Variants in KCNH5 observed in about 807,000 individuals in gnomAD.
The protein encoded by KCNH5 is potassium voltage-gated channel subfamily H member 5, also known as voltage-gated delayed rectifier potassium channel KCNH5.
Under a neutral mutation model 96.1 loss-of-function variants are expected in KCNH5, and 46 were observed. That is an observed-to-expected ratio of 0.48 (90% CI 0.38 to 0.61). The LOEUF (loss-of-function observed/expected upper bound fraction) is 0.61, where lower values mean the gene tolerates loss of function less well. Among genes scored for constraint, KCNH5 ranks in the 20% least tolerant of loss-of-function variants. The probability of loss-of-function intolerance (pLI) is 0.00; values close to 1 mark genes in which losing one functional copy is unlikely to be tolerated. For missense variants in KCNH5, 907 were observed against 1,225.8 expected (o/e 0.74, Z 3.88); for synonymous variants, 439 against 449.8 (o/e 0.98, Z 0.30).
intron 1 of KCNH5, among the ~76,000 whole-genome samples, chr14:63,022,993 C>T (rs1026168447): frequency 1.3e-5 from 2 of 152,000 alleles, no homozygotes; most frequent in Non-Finnish European, 2.9e-5. Context: ...ATCATGAGGT[C>T]AGGAGATCGA....
At chr14:62,956,878 T>C (rs1890114528) in intron 6 of KCNH5, among the ~76,000 whole-genome samples, 1 of 152,194 alleles carries the variant, frequency 6.6e-6, no homozygotes, top group South Asian at 2.1e-4. Context: ...CAGTCTTAGA[T>C]ATTCATTGAT....
chr14:63,025,453 T>C (rs144901147), intron 1 of KCNH5, among the ~76,000 whole-genome samples: 87 of 152,154 alleles, frequency 5.7e-4, no homozygotes, highest in African/African-American at 2.1e-3. Context: ...GCAGACAATA[T>C]GATCTTATAT....
intron 8 of KCNH5, among the ~76,000 whole-genome samples, chr14:62,834,441 C>T (rs1362599513): frequency 9.9e-5 from 15 of 151,866 alleles, no homozygotes; most frequent in African/African-American, 3.6e-4. Context: ...AACTCCCTGC[C>T]CCCATGGACT....
At chr14:62,983,365 G>A (rs1046207153) in intron 5 of KCNH5, among the ~76,000 whole-genome samples, 4 of 148,704 alleles carry the variant, frequency 2.7e-5, no homozygotes, top group Admixed American at 6.7e-5. Flanking sequence ...GTGACAGAGC[G>A]AGACTCAGTC....
intron 6 of KCNH5, among the ~76,000 whole-genome samples, chr14:62,966,129 G>T (rs1258786086): frequency 6.6e-6 from 1 of 152,104 alleles, no homozygotes; most frequent in Non-Finnish European, 1.5e-5. Context: ...GATTTTTCCT[G>T]ACACAATTAC....
Position 62,703,412 on chromosome 14 carries a change from A to C in KCNH5, c.*4096T>G, listed in dbSNP as rs1344055016. 6.6e-6 allele frequency: 1 copy of C among 151,918 alleles called. No homozygotes were observed. Among genetic ancestry groups the C allele is most frequent in the African/African-American group, 2.4e-5 (1 of 41,448 alleles). The allele number at this position is 151,918 out of a possible 1,614,324, so 9.4% of individuals were successfully genotyped here. A position where few individuals can be genotyped will look rare whatever the true frequency, so the allele number is the denominator to read the frequency against. On this transcript the variant is annotated 3_prime_UTR_variant, in exon 11 of 11. Transcript: ENST00000322893. Reference sequence around the variant, plus strand: ...AATGAAAAAGTGATCACTTGTCATAATGTGATTTTCACCTGCAAGAAAGAT... The same window carrying C: ...AATGAAAAAGTGATCACTTGTCATACTGTGATTTTCACCTGCAAGAAAGAT...
intron 8 of KCNH5, among the ~76,000 whole-genome samples, chr14:62,825,015 C>G (rs1887193072): frequency 6.6e-6 from 1 of 152,010 alleles, no homozygotes; most frequent in African/African-American, 2.4e-5. Flanking sequence ...CATTGATGGG[C>G]ACTTAGGTTG....
At chr14:62,904,766 TG>T (rs1371460041) in intron 7 of KCNH5, among the ~76,000 whole-genome samples, 2 of 152,226 alleles carry the variant, frequency 1.3e-5, no homozygotes, top group Non-Finnish European at 2.9e-5. Context: ...AATTGTGACT[TG>T]GGGTGTACTT....
chr14:62,907,882 C>T (rs183307017), intron 7 of KCNH5, among the ~76,000 whole-genome samples: 2 of 152,210 alleles, frequency 1.3e-5, no homozygotes, highest in Non-Finnish European at 1.5e-5. Context: ...AACCAATAGT[C>T]GATGTTCTCC....
At position 62,849,929 on chromosome 14, in the gene KCNH5, T is replaced by C. The variant is rs1595654245; in HGVS notation, c.1370-77A>G. The C allele has an allele frequency of 1.2e-5, 14 of 1,162,024 alleles. No individual in the cohort carries two copies. The East Asian group carries it at 3.5e-4, about 29-fold the overall frequency. 72.0% of individuals were successfully genotyped at this position (1,162,024 alleles called of 1,614,324 possible). A position where few individuals can be genotyped will look rare whatever the true frequency, so the allele number is the denominator to read the frequency against. ...TACAAATATTTGCTAAATCAATGAA[T>C]AATTTGACAGAGACATCCTTATAAA... On this transcript the variant is annotated intron_variant, in intron 7 of 10. Transcript: ENST00000322893.
In KCNH5 at chr14:62,704,393, TGTC is replaced by T. The variant is rs895804118; in HGVS notation, c.*3112_*3114del. ...AGTACCATTCATATAGCTTTGGTATTGTCATCTGGCTTTTGTGTGCCTATTTGC... is the reference window on the plus strand; with the variant it reads ...AGTACCATTCATATAGCTTTGGTATTATCTGGCTTTTGTGTGCCTATTTGC... On this transcript the variant is annotated 3_prime_UTR_variant, in exon 11 of 11. Coordinates refer to ENST00000322893, the MANE Select transcript of KCNH5 (RefSeq NM_139318.5). 5 of 151,896 alleles carry T rather than the reference TGTC, an allele frequency of 3.3e-5. No homozygotes were observed. Among genetic ancestry groups the T allele is most frequent in the African/African-American group, 1.2e-4 (5 of 41,432 alleles). The allele number at this position is 151,896 out of a possible 1,614,324, so 9.4% of individuals were successfully genotyped here. A position where few individuals can be genotyped will look rare whatever the true frequency, so the allele number is the denominator to read the frequency against.
At chr14:62,914,592 A>G (rs1889237740) in intron 7 of KCNH5, among the ~76,000 whole-genome samples, 1 of 152,110 alleles carries the variant, frequency 6.6e-6, no homozygotes, top group South Asian at 2.1e-4. Flanking sequence ...ACATTTACAT[A>G]TATTTTACAT....
At chr14:62,798,849 C>T (rs1274931505) in intron 9 of KCNH5, among the ~76,000 whole-genome samples, 1 of 152,174 alleles carries the variant, frequency 6.6e-6, no homozygotes, top group African/African-American at 2.4e-5. Context: ...CATGAAACTG[C>T]ACCTGTTTTT....
chr14:63,016,097 T>C (rs1891321760), intron 2 of KCNH5, among the ~76,000 whole-genome samples: 3 of 151,518 alleles, frequency 2.0e-5, no homozygotes, highest in Admixed American at 2.0e-4. Context: ...AGTTCTAAAA[T>C]AACTTGGTTC....
At chr14:63,029,855 A>G (rs1891594104) in intron 1 of KCNH5, among the ~76,000 whole-genome samples, 1 of 152,032 alleles carries the variant, frequency 6.6e-6, no homozygotes, top group Non-Finnish European at 1.5e-5. Context: ...AATGAAAAAT[A>G]TATTATTAAT....
At chr14:62,944,452 C>T (rs762265807) in intron 7 of KCNH5, among the ~76,000 whole-genome samples, 14 of 152,026 alleles carry the variant, frequency 9.2e-5, no homozygotes, top group Non-Finnish European at 2.1e-4. Context: ...ATGAACCTTT[C>T]TGTTTTCTAC....
At chr14:62,983,082 T>A (rs562155185) in intron 5 of KCNH5, among the ~76,000 whole-genome samples, 34 of 152,340 alleles carry the variant, frequency 2.2e-4, no homozygotes, top group African/African-American at 7.9e-4. Context: ...ATACACAGTC[T>A]ATGTTTAACC....
At chr14:63,030,587 C>A (rs1336252980) in intron 1 of KCNH5, among the ~76,000 whole-genome samples, 2 of 152,082 alleles carry the variant, frequency 1.3e-5, no homozygotes, top group Non-Finnish European at 2.9e-5. Flanking sequence ...TTGGAGGGGG[C>A]CACCTAGGAG....
intron 6 of KCNH5, among the ~76,000 whole-genome samples, chr14:62,970,657 C>G (rs1890389751): frequency 6.6e-6 from 1 of 151,904 alleles, no homozygotes; most frequent in Non-Finnish European, 1.5e-5. Flanking sequence ...ACACTGTGAC[C>G]AACTGGATTT....
Sources: gnomAD v4.1 joint callset for allele counts (sites outside exome capture counted in the v4.1 genomes callset) on GRCh38, gnomAD v4.1.1 for gene constraint, MANE v1.5 for transcripts, NCBI Gene and HGNC (gene_info 2026-07-23, HGNC 2026-07-21) for gene names.